The following TIMP3 variants were observed in gnomAD, a reference collection of about 807,000 sequenced individuals.
The protein encoded by TIMP3 is TIMP metallopeptidase inhibitor 3.
Under a neutral mutation model 30.0 loss-of-function variants are expected in TIMP3, and 11 were observed. That is an observed-to-expected ratio of 0.37 (90% CI 0.23 to 0.61). The LOEUF (loss-of-function observed/expected upper bound fraction) is 0.61. TIMP3 is among the 20% of genes least tolerant of loss of function. TIMP3 has a pLI of 0.70. For synonymous variants in TIMP3, 112 were observed against 111.3 expected (o/e 1.01, Z -0.04); for missense variants, 181 against 276.8 (o/e 0.65, Z 2.45).
rs1029924538 is a variant in TIMP3 at position 32,859,077 on chromosome 22, C to A, written c.439-103C>A. 6.3e-6 allele frequency: 7 copies of A among 1,106,894 alleles called. No individual in the cohort carries two copies. The African/African-American group carries it at 1.1e-4, about 17-fold the overall frequency. 68.6% of individuals were successfully genotyped at this position (1,106,894 alleles called of 1,614,324 possible). A position where few individuals can be genotyped will look rare whatever the true frequency, so the allele number is the denominator to read the frequency against. ...TCACTGAGGGACTGATGTGGCTAGG[C>A]TTCCCATGCAGTGGCCCCAGGGTCT... On this transcript the variant is annotated intron_variant, in intron 4 of 4. Transcript: ENST00000266085.
At chr22:32,847,100 C>T (rs367882938) in intron 1 of TIMP3, among the ~76,000 whole-genome samples, 24 of 152,150 alleles carry the variant, frequency 1.6e-4, no homozygotes, top group African/African-American at 3.4e-4. Context: ...GGCCAAGACT[C>T]GCTCCCTTGT....
At chr22:32,828,043 C>T (rs1234510071) in intron 1 of TIMP3, among the ~76,000 whole-genome samples, 1 of 152,208 alleles carries the variant, frequency 6.6e-6, no homozygotes, top group East Asian at 1.9e-4. Flanking sequence ...ATTGTTTGGC[C>T]TGATTCCTCC....
At chr22:32,821,751 C>A (rs1392640041) in intron 1 of TIMP3, among the ~76,000 whole-genome samples, 1 of 152,216 alleles carries the variant, frequency 6.6e-6, no homozygotes, top group Admixed American at 6.5e-5. Context: ...CACGTAGCTC[C>A]TCTTGTCACC....
intron 1 of TIMP3, among the ~76,000 whole-genome samples, chr22:32,826,721 G>A (rs2047425421): frequency 6.6e-6 from 1 of 152,182 alleles, no homozygotes; most frequent in South Asian, 2.1e-4. Context: ...TGTACTACGT[G>A]TCTTCAGATT....
At chr22:32,841,520 C>A (rs930656177) in intron 1 of TIMP3, among the ~76,000 whole-genome samples, 3 of 152,042 alleles carry the variant, frequency 2.0e-5, no homozygotes, top group African/African-American at 7.2e-5. Context: ...CCATGAGAGC[C>A]CCGGGTGCAG....
chr22:32,849,459 G>C lies in TIMP3; in HGVS notation c.129G>C (p.Arg43=), dbSNP rs374488332. ...CTCCTTCTGTCTCTGCAGTGATCCG[G>C]GCCAAGGTGGTGGGGAAGAAGCTGG... ...DAFCNSDIVI[R]AKVVGKKLVK... Residue 43 remains arginine (R), a synonymous_variant, in exon 2 of 5, where the codon CGG becomes CGC. Transcript: ENST00000266085. 4.3e-6 allele frequency: 7 copies of C among 1,613,530 alleles called. No homozygotes were observed. Among genetic ancestry groups the C allele is most frequent in the Non-Finnish European group, 5.9e-6 (7 of 1,179,850 alleles).
intron 1 of TIMP3, among the ~76,000 whole-genome samples, chr22:32,834,754 A>G (rs1456239997): frequency 1.3e-5 from 2 of 152,146 alleles, no homozygotes; most frequent in Non-Finnish European, 2.9e-5. Context: ...TGGCCCATAA[A>G]CCCAGAAAAT....
At chr22:32,859,024 G>T in intron 4 of TIMP3, 156 bp from the exon 5 acceptor site, 1 of 721,054 alleles carries the variant, frequency 1.4e-6, no homozygotes, top group Non-Finnish European at 2.5e-6. Context: ...GACAGCAGAT[G>T]CTCAAGCTAG....
intron 3 of TIMP3, among the ~76,000 whole-genome samples, chr22:32,857,629 A>G (rs1324465979): frequency 6.6e-6 from 1 of 152,200 alleles, no homozygotes; most frequent in Non-Finnish European, 1.5e-5. Flanking sequence ...AAAAGGGAGT[A>G]TCTGTTCCTC....
At chr22:32,854,576 A>G (rs1203070962) in intron 2 of TIMP3, among the ~76,000 whole-genome samples, 1 of 152,180 alleles carries the variant, frequency 6.6e-6, no homozygotes, top group African/African-American at 2.4e-5. Flanking sequence ...CACAGAAGTC[A>G]GGGTAGGGGA....
Position 32,802,058 on chromosome 22 carries a change from G to C in TIMP3, c.57G>C (p.Trp19Cys). The change falls in exon 1 of 5, where the codon TGG (tryptophan) becomes TGC (cysteine). Residue 19 changes from tryptophan (W) to cysteine (C), a missense_variant. By Grantham distance (215) the Trp-to-Cys change is radical (BLOSUM62 -2). Coordinates refer to ENST00000266085, the MANE Select transcript of TIMP3 (RefSeq NM_000362.5). ...VLLGSWSLGD[W>C]GAEACTCSPS... ...TGGGCAGCTGGAGCCTGGGGGACTG[G>C]GGCGCCGAGGCGTGCACATGCTCGC... The C allele has an allele frequency of 6.3e-7, 1 of 1,576,672 alleles. No homozygotes were observed. Among genetic ancestry groups the C allele is most frequent in the Non-Finnish European group, 8.6e-7 (1 of 1,166,094 alleles).
chr22:32,814,795 GA>G (rs933393866), intron 1 of TIMP3, among the ~76,000 whole-genome samples: 12 of 152,010 alleles, frequency 7.9e-5, no homozygotes, highest in African/African-American at 2.9e-4. Context: ...GACAGAAAGG[GA>G]AAAAAACTAG....
At chr22:32,841,658 G>A (rs1363638421) in intron 1 of TIMP3, among the ~76,000 whole-genome samples, 3 of 145,458 alleles carry the variant, frequency 2.1e-5, no homozygotes, top group Admixed American at 7.1e-5. Flanking sequence ...ATCAGGGAGG[G>A]GAACAACATA....
chr22:32,816,986 G>A (rs1192397912), intron 1 of TIMP3, among the ~76,000 whole-genome samples: 1 of 152,056 alleles, frequency 6.6e-6, no homozygotes, highest in Non-Finnish European at 1.5e-5. Flanking sequence ...GGGAGGCTGA[G>A]GCGAGAGGAT....
intron 1 of TIMP3, among the ~76,000 whole-genome samples, chr22:32,803,936 A>G (rs1393141418): frequency 6.6e-6 from 1 of 152,188 alleles, no homozygotes; most frequent in East Asian, 1.9e-4. Flanking sequence ...GGAAAAGTGA[A>G]AACAAGCATG....
intron 1 of TIMP3, among the ~76,000 whole-genome samples, chr22:32,812,366 C>G (rs1294023089): frequency 6.6e-6 from 1 of 152,194 alleles, no homozygotes; most frequent in Non-Finnish European, 1.5e-5. Flanking sequence ...AGCTGAGATA[C>G]TTTATCAGAT....
chr22:32,835,977 A>G (rs1569263515), intron 1 of TIMP3, among the ~76,000 whole-genome samples: 1 of 152,200 alleles, frequency 6.6e-6, no homozygotes, highest in Non-Finnish European at 1.5e-5. Context: ...AATTTTCCCT[A>G]TCTCCGCATT....
intron 1 of TIMP3, among the ~76,000 whole-genome samples, chr22:32,816,354 C>G (rs1289255263): frequency 1.3e-5 from 2 of 152,100 alleles, no homozygotes; most frequent in Admixed American, 6.5e-5. Context: ...GGGTGAAATA[C>G]AGGAATAAAC....
At chr22:32,825,097 T>C (rs1048432391) in intron 1 of TIMP3, among the ~76,000 whole-genome samples, 3 of 152,032 alleles carry the variant, frequency 2.0e-5, no homozygotes, top group Non-Finnish European at 4.4e-5. Context: ...TCTTTCGGGT[T>C]TGGTAAACAG....
Sources: gnomAD v4.1 joint callset for allele counts (sites outside exome capture counted in the v4.1 genomes callset) on GRCh38, gnomAD v4.1.1 for gene constraint, MANE v1.5 for transcripts, NCBI Gene and HGNC (gene_info 2026-07-23, HGNC 2026-07-21) for gene names.